SERPINB8: variants seen among roughly 807,000 people sequenced by gnomAD.
SERPINB8 encodes serpin B8.
In SERPINB8, 25 loss-of-function variants were observed where a neutral mutation model predicts 35.3. The ratio of observed to expected loss-of-function variants is 0.71; its 90% CI spans 0.52 to 0.99. The LOEUF (loss-of-function observed/expected upper bound fraction) is 0.99. Among genes scored for constraint, SERPINB8 ranks in the 50% least tolerant of loss-of-function variants. The probability of loss-of-function intolerance (pLI) is 0.00; values close to 1 mark genes in which losing one functional copy is unlikely to be tolerated. For synonymous variants in SERPINB8, 186 were observed against 160.8 expected, an observed-to-expected ratio of 1.16 and a Z score of -1.19; for missense variants, 484 against 446.5, an observed-to-expected ratio of 1.08 and a Z score of -0.76.
At chr18:63,975,440 G>A (rs2050566401) in intron 1 of SERPINB8, among the ~76,000 whole-genome samples, 1 of 152,102 alleles carries the variant, frequency 6.6e-6, no homozygotes, top group Non-Finnish European at 1.5e-5. Flanking sequence ...GCTCTGGAGA[G>A]GTCTTATGAT....
rs11537989 is a variant in SERPINB8, at chr18:63,983,631, G to T, written c.477G>T (p.Leu159=). Residue 159 remains leucine, a synonymous_variant, in exon 5 of 7, where the codon CTG becomes CTT. Transcript: ENST00000397985. The part of the protein sequence containing the change: ...DAGTVDPLTK[L]VLVNAIYFKG... ...GGACAGTCGATCCCCTGACAAAGCT[G>T]GTCCTTGTGAATGCCATTTATTTCA... is the stretch of plus-strand genomic sequence containing the variant. 1 of 1,612,154 alleles carries T rather than the reference G, an allele frequency of 6.2e-7. No homozygotes were observed. The highest frequency in any genetic ancestry group is 1.3e-5 in the African/African-American group (1 of 74,826).
chr18:63,994,889 G>A (rs535455523), intron 1 of SERPINB8, among the ~76,000 whole-genome samples: 1 of 152,160 alleles, frequency 6.6e-6, no homozygotes. Context: ...ACACAATCCA[G>A]CTATTTTAAC....
intron 1 of SERPINB8, among the ~76,000 whole-genome samples, chr18:64,002,041 A>G (rs1000375268): frequency 6.6e-6 from 1 of 152,078 alleles, no homozygotes; most frequent in African/African-American, 2.4e-5. Context: ...AGTGAGGGAG[A>G]ATGTGAGTCT....
chr18:64,001,755 G>A (rs1441262042), intron 1 of SERPINB8, among the ~76,000 whole-genome samples: 2 of 152,090 alleles, frequency 1.3e-5, no homozygotes, highest in Admixed American at 6.5e-5. Flanking sequence ...CGAAAGTGCT[G>A]GGGTTACAGG....
chr18:64,012,811 T>C (rs2050931686), intron 7 of SERPINB8, among the ~76,000 whole-genome samples: 1 of 152,152 alleles, frequency 6.6e-6, no homozygotes, highest in Non-Finnish European at 1.5e-5. Context: ...CTGGTTTACG[T>C]AATCTCTACT....
At chr18:64,008,944 G>A (rs1517172), downstream of SERPINB8, among the ~76,000 whole-genome samples, 70,292 of 151,896 alleles carry the variant, frequency 0.46, 17,573 homozygotes, top group East Asian at 0.69. Context: ...TAGAGTTGTC[G>A]AGAGGATTTA....
chr18:63,970,082 A>G lies in SERPINB8; in HGVS notation c.-99A>G, dbSNP rs1028105259. 3.0e-5 allele frequency: 8 copies of G among 268,138 alleles called. No homozygotes were observed. The highest frequency in any genetic ancestry group is 1.6e-4 in the African/African-American group (7 of 42,762). The allele number at this position is 268,138 out of a possible 1,614,324, so 16.6% of individuals were successfully genotyped here. A position where few individuals can be genotyped will look rare whatever the true frequency, so the allele number is the denominator to read the frequency against. ...TCATCTGCCGGAAGCCTTGCCCTCA[A>G]TCAAGGCGGACGTGAAGCATCTACA... On this transcript the variant is annotated 5_prime_UTR_variant, in exon 1 of 7. Transcript: ENST00000397985.
chr18:63,972,004 T>G (rs28757575), intron 1 of SERPINB8, among the ~76,000 whole-genome samples: 32,605 of 151,988 alleles, frequency 0.21, 3,805 homozygotes, highest in Middle Eastern at 0.29. Context: ...TTTTCTTTTT[T>G]TTTTTGATAT....
chr18:64,016,229 A>G (rs542907935), intron 7 of SERPINB8, among the ~76,000 whole-genome samples: 3 of 152,280 alleles, frequency 2.0e-5, no homozygotes, highest in African/African-American at 7.2e-5. Flanking sequence ...CCAATGGTTC[A>G]CATGGTTTTC....
rs1303009208 is a variant in SERPINB8 at position 63,986,963 on chromosome 18, A to G, written c.810A>G (p.Arg270=). The change falls in exon 7 of 7, where the codon AGA becomes AGG. Residue 270 remains arginine (R), a synonymous_variant. Coordinates refer to ENST00000397985, the MANE Select transcript of SERPINB8 (RefSeq NM_002640.4). ...TKSKVQVFLP[R]LKLEESYDLE... is the part of the protein sequence containing the mutation. Reference sequence around the variant, plus strand: ...GTAAGGTTCAAGTTTTCCTTCCCAGATTAAAGCTGGAGGAGAGTTATGACT... The same window carrying G: ...GTAAGGTTCAAGTTTTCCTTCCCAGGTTAAAGCTGGAGGAGAGTTATGACT... The G allele has an allele frequency of 1.9e-6, 3 of 1,614,228 alleles. No homozygotes were observed. Among genetic ancestry groups the G allele is most frequent in the Non-Finnish European group, 2.5e-6 (3 of 1,180,028 alleles).
At chr18:64,018,266 G>T (rs1478857695) in intron 7 of SERPINB8, among the ~76,000 whole-genome samples, 1 of 152,070 alleles carries the variant, frequency 6.6e-6, no homozygotes, top group African/African-American at 2.4e-5. Flanking sequence ...ACACATTCCT[G>T]AACAAACAAA....
chr18:63,994,584 G>T (rs143302780), intron 1 of SERPINB8, among the ~76,000 whole-genome samples: 321 of 152,176 alleles, frequency 2.1e-3, no homozygotes, highest in Non-Finnish European at 3.7e-3. Flanking sequence ...GAAGCTTTTC[G>T]GTTCCGAGGG....
In SERPINB8 at chr18:63,979,820, A is replaced by C. The variant is rs558678974; in HGVS notation, c.188A>C (p.Asp63Ala). The C allele has an allele frequency of 6.8e-6, 11 of 1,614,116 alleles. No individual in the cohort carries two copies. In the African/African-American group the frequency reaches 1.2e-4, roughly 18 times the overall value. Residue 63 changes from aspartate (D) to alanine (A), a missense_variant, in exon 3 of 7, where the codon GAC becomes GCC. Asp to Ala is a moderately radical substitution (Grantham distance 126). Coordinates refer to ENST00000397985, the MANE Select transcript of SERPINB8 (RefSeq NM_002640.4). ...QMSQALCLYK[D>A]GDIHRGFQSL... is the part of the protein sequence containing the mutation. ...TCCCAGGCACTTTGTTTATACAAAG[A>C]CGGAGATATTCACCGAGGTTTCCAG...
chr18:63,970,130 A>AGTG lies in SERPINB8; in HGVS notation c.-50_-49insTGG. On this transcript the variant is annotated 5_prime_UTR_variant, in exon 1 of 7. Coordinates refer to ENST00000397985, the MANE Select transcript of SERPINB8 (RefSeq NM_002640.4). The stretch of plus-strand genomic sequence containing the variant: ...ACAAAGGAGGAATAGTCAAAGCAGC[A>AGTG]GCGGCGGCGGCGGCGGCGGCAGCAG... 5.8e-6 allele frequency: 2 copies of AGTG among 343,938 alleles called. No homozygotes were observed. The highest frequency in any genetic ancestry group is 1.1e-5 in the Non-Finnish European group (2 of 174,616). 21.3% of individuals were successfully genotyped at this position (343,938 alleles called of 1,614,324 possible).
chr18:63,986,846 T>G (rs527456095), intron 6 of SERPINB8, 28 bp from the exon 7 acceptor site: 4 of 1,567,418 alleles, frequency 2.6e-6, no homozygotes, highest in Admixed American at 3.8e-5. Flanking sequence ...TCATCTAAAT[T>G]TTAAGGTTTG....
exon 8 of SERPINB8, chr18:64,019,379 T>C (rs1439709950): frequency 1.3e-5 from 2 of 152,338 alleles, no homozygotes; most frequent in Non-Finnish European, 2.9e-5. Context: ...GCCAGTGCTC[T>C]AATTCAAGTC....
intron 1 of SERPINB8, among the ~76,000 whole-genome samples, chr18:63,995,684 A>G (rs1297605758): frequency 6.6e-6 from 1 of 152,198 alleles, no homozygotes; most frequent in East Asian, 1.9e-4. Context: ...AGGCCATTGT[A>G]TCCCCACCTG....
exon 2 of SERPINB8, chr18:64,005,135 T>C (rs959807262): frequency 1.3e-5 from 4 of 313,660 alleles, no homozygotes; most frequent in Non-Finnish European, 2.3e-5. Flanking sequence ...AAGACATTCA[T>C]ATGAAATGCA....
downstream of SERPINB8, among the ~76,000 whole-genome samples, chr18:64,010,086 A>G (rs953965698): frequency 3.3e-5 from 5 of 152,130 alleles, no homozygotes; most frequent in African/African-American, 1.2e-4. Flanking sequence ...AGAATCTGTG[A>G]GAAAAAGGCA....
Sources: allele counts gnomAD v4.1 joint callset (sites outside exome capture counted in the v4.1 genomes callset), GRCh38; gene constraint gnomAD v4.1.1; transcripts MANE v1.5; gene names NCBI Gene and HGNC (gene_info 2026-07-23, HGNC 2026-07-21).